Variants in GRIP1 observed in about 807,000 individuals in gnomAD.
GRIP1 encodes the protein glutamate receptor-interacting protein 1.
Under a neutral mutation model 129.9 loss-of-function variants are expected in GRIP1, and 45 were observed. The ratio of observed to expected loss-of-function variants is 0.35; its 90% CI spans 0.27 to 0.44. The LOEUF (loss-of-function observed/expected upper bound fraction) is 0.44. GRIP1 is among the 20% of genes least tolerant of loss of function. The pLI, the probability that GRIP1 is intolerant of heterozygous loss-of-function variation, is 1.00. For synonymous variants in GRIP1, 530 were observed against 520.8 expected, an observed-to-expected ratio of 1.02 and a Z score of -0.24; for missense variants, 1,196 against 1,396.8, an observed-to-expected ratio of 0.86 and a Z score of 2.29.
intron 19 of GRIP1, among the ~76,000 whole-genome samples, chr12:66,380,518 G>C (rs1423666556): frequency 6.6e-6 from 1 of 152,194 alleles, no homozygotes; most frequent in Non-Finnish European, 1.5e-5. Context: ...TGATGGGTGA[G>C]ACAGTGAGGA....
chr12:66,907,765 G>C (rs1254469844), intron 1 of GRIP1, among the ~76,000 whole-genome samples: 1 of 152,154 alleles, frequency 6.6e-6, no homozygotes, highest in Non-Finnish European at 1.5e-5. Context: ...TAACAACAAA[G>C]AAAGGGGAGA....
chr12:66,505,873 T>C (rs1488578794), intron 7 of GRIP1, among the ~76,000 whole-genome samples: 3 of 152,058 alleles, frequency 2.0e-5, no homozygotes, highest in African/African-American at 7.2e-5. Context: ...AATTATCCAA[T>C]AGAAAGAAAA....
At chr12:66,549,264 C>A (rs189438940) in intron 2 of GRIP1, among the ~76,000 whole-genome samples, 15 of 152,132 alleles carry the variant, frequency 9.9e-5, no homozygotes, top group Admixed American at 9.8e-4. Flanking sequence ...CAGCTTGTGG[C>A]AAACAGAATT....
rs140309283 is a variant in GRIP1, at chr12:67,013,785, C to T, written c.58+55265G>A. Among the ~76,000 whole-genome samples the T allele has an allele frequency of 3.8e-3, 579 of 152,292 alleles. 4 individuals are homozygous for T. The highest frequency in any genetic ancestry group is 0.013 in the African/African-American group (556 of 41,574). Reference sequence around the variant, plus strand: ...TTTATCTGGATGGGATAGAGTCCCACCTCCAGGGATATTTTCTGTCAACCA... The same window carrying T: ...TTTATCTGGATGGGATAGAGTCCCATCTCCAGGGATATTTTCTGTCAACCA... On this transcript the variant is annotated intron_variant, in intron 1 of 1. Transcript: ENST00000643019.
chr12:66,414,023 C>T (rs758416753), intron 15 of GRIP1, among the ~76,000 whole-genome samples: 25 of 152,114 alleles, frequency 1.6e-4, no homozygotes, highest in African/African-American at 4.6e-4. Flanking sequence ...AAGCATTCAC[C>T]TTGAAAACTA....
At chr12:66,723,304 CTTTTTTT>C (rs57938064) in intron 1 of GRIP1, among the ~76,000 whole-genome samples, 51 of 58,404 alleles carry the variant, frequency 8.7e-4, no homozygotes, top group South Asian at 2.8e-3. Flanking sequence ...TTCTTTCTTT[CTTTTTTT>C]TTTTTTTTTT....
intron 1 of GRIP1, among the ~76,000 whole-genome samples, chr12:66,871,537 G>A (rs2040296100): frequency 1.3e-5 from 2 of 152,172 alleles, no homozygotes; most frequent in South Asian, 4.1e-4. Flanking sequence ...TAATACCTAT[G>A]AGGTGCTTAA....
intron 1 of GRIP1, among the ~76,000 whole-genome samples, chr12:66,887,086 G>C (rs1480976778): frequency 6.6e-6 from 1 of 152,180 alleles, no homozygotes; most frequent in South Asian, 2.1e-4. Context: ...TAAAACTGTG[G>C]TGCATGAACC....
chr12:66,887,186 C>T (rs73126063), intron 1 of GRIP1, among the ~76,000 whole-genome samples: 6,703 of 152,214 alleles, frequency 0.044, 172 homozygotes, highest in Middle Eastern at 0.088. Flanking sequence ...CTGGCTTTGC[C>T]TTAGGAGTAA....
At chr12:67,065,849 CA>C (rs1236043951) in intron 1 of GRIP1, among the ~76,000 whole-genome samples, 1 of 151,466 alleles carries the variant, frequency 6.6e-6, no homozygotes, top group Non-Finnish European at 1.5e-5. Context: ...AGATGTAAAA[CA>C]ATGAATACAT....
At chr12:66,610,568 G>A (rs570503608) in intron 1 of GRIP1, among the ~76,000 whole-genome samples, 4 of 152,208 alleles carry the variant, frequency 2.6e-5, no homozygotes, top group South Asian at 2.1e-4. Flanking sequence ...CAGGGACTTT[G>A]AAATTTCAGA....
At chr12:66,771,155 T>C (rs2037806573) in intron 1 of GRIP1, among the ~76,000 whole-genome samples, 1 of 152,102 alleles carries the variant, frequency 6.6e-6, no homozygotes, top group South Asian at 2.1e-4. Flanking sequence ...AGTTTATCAT[T>C]CAGAGACATG....
At chr12:66,701,379 T>C (rs549483849) in intron 1 of GRIP1, among the ~76,000 whole-genome samples, 2 of 152,268 alleles carry the variant, frequency 1.3e-5, no homozygotes, top group Admixed American at 1.3e-4. Context: ...ATTTATTTTG[T>C]CAATAGGAAA....
At chr12:66,398,432 C>A (rs1035570026) in intron 16 of GRIP1, among the ~76,000 whole-genome samples, 1 of 151,900 alleles carries the variant, frequency 6.6e-6, no homozygotes, top group Non-Finnish European at 1.5e-5. Context: ...TAGCACTTTT[C>A]TAACATCTTT....
chr12:66,885,041 T>C (rs1029579106), intron 1 of GRIP1, among the ~76,000 whole-genome samples: 1 of 152,146 alleles, frequency 6.6e-6, no homozygotes, highest in African/African-American at 2.4e-5. Flanking sequence ...AAGATATTAT[T>C]TAAATAGCAA....
intron 1 of GRIP1, among the ~76,000 whole-genome samples, chr12:66,763,812 C>A (rs76775935): frequency 0.013 from 1,991 of 152,310 alleles, 53 homozygotes; most frequent in African/African-American, 0.046. Context: ...ACCAACGACA[C>A]TGCTATCTGC....
chr12:66,982,702 C>G (rs2042256484), intron 1 of GRIP1, among the ~76,000 whole-genome samples: 3 of 152,158 alleles, frequency 2.0e-5, no homozygotes, highest in Admixed American at 2.0e-4. Flanking sequence ...CACCCCCAGT[C>G]AAGTCTTCAA....
At chr12:66,719,036 A>T (rs1347728176) in intron 1 of GRIP1, among the ~76,000 whole-genome samples, 4 of 152,130 alleles carry the variant, frequency 2.6e-5, no homozygotes, top group African/African-American at 9.7e-5. Flanking sequence ...TTTTTAGAAT[A>T]AAAGGAAGTA....
intron 7 of GRIP1, among the ~76,000 whole-genome samples, chr12:66,468,214 T>C (rs539592855): frequency 6.6e-6 from 1 of 152,324 alleles, no homozygotes; most frequent in Non-Finnish European, 1.5e-5. Flanking sequence ...AGAATGGCTG[T>C]GCCCACCTCT....
Sources: allele counts gnomAD v4.1 joint callset (sites outside exome capture counted in the v4.1 genomes callset), GRCh38; gene constraint gnomAD v4.1.1; transcripts MANE v1.5; gene names NCBI Gene and HGNC (gene_info 2026-07-23, HGNC 2026-07-21).